EXOC4: variants seen among roughly 807,000 people sequenced by gnomAD.
The protein encoded by EXOC4 is SEC8-like 1.
Under a neutral mutation model 107.2 loss-of-function variants are expected in EXOC4, and 71 were observed. The ratio of observed to expected loss-of-function variants is 0.66; its 90% CI spans 0.55 to 0.81. The LOEUF (loss-of-function observed/expected upper bound fraction) is 0.81, where lower values mean the gene tolerates loss of function less well. EXOC4 is among the 30% of genes least tolerant of loss of function. The pLI is 0.00. For missense variants in EXOC4, 1,108 were observed against 1,189.6 expected (o/e 0.93, Z 1.01); for synonymous variants, 456 against 441.2 (o/e 1.03, Z -0.42).
At chr7:133,920,773 A>G (rs917380622) in intron 13 of EXOC4, among the ~76,000 whole-genome samples, 3 of 151,768 alleles carry the variant, frequency 2.0e-5, no homozygotes, top group African/African-American at 7.3e-5. Context: ...ATGTAGATCC[A>G]CGTTTCTGAT....
chr7:133,929,447 A>G (rs1800126576), intron 13 of EXOC4, among the ~76,000 whole-genome samples: 3 of 151,284 alleles, frequency 2.0e-5, no homozygotes, highest in Non-Finnish European at 2.9e-5. Context: ...CTGCTCCCAA[A>G]TACACTGTCA....
intron 7 of EXOC4, among the ~76,000 whole-genome samples, chr7:133,429,912 A>C (rs1225507838): frequency 6.6e-6 from 1 of 152,172 alleles, no homozygotes; most frequent in African/African-American, 2.4e-5. Flanking sequence ...TGGGGAACAC[A>C]CAGGCAAACG....
chr7:133,303,945 CTAAG>C (rs1439294921), intron 3 of EXOC4, among the ~76,000 whole-genome samples: 1 of 152,194 alleles, frequency 6.6e-6, no homozygotes, highest in Non-Finnish European at 1.5e-5. Context: ...AGGCACTGCG[CTAAG>C]TGTTTTACCT....
At chr7:133,725,108 G>T (rs897593256) in intron 10 of EXOC4, among the ~76,000 whole-genome samples, 1 of 152,176 alleles carries the variant, frequency 6.6e-6, no homozygotes, top group Non-Finnish European at 1.5e-5. Flanking sequence ...ACCCTTTGTG[G>T]TTATTGAACA....
chr7:133,408,684 A>G (rs1217338536), intron 7 of EXOC4, among the ~76,000 whole-genome samples: 6 of 152,128 alleles, frequency 3.9e-5, no homozygotes, highest in Non-Finnish European at 8.8e-5. Flanking sequence ...AATTTACTAC[A>G]TGCCTATTAA....
At chr7:133,373,433 T>G (rs890423623) in intron 6 of EXOC4, among the ~76,000 whole-genome samples, 3 of 152,180 alleles carry the variant, frequency 2.0e-5, no homozygotes, top group Admixed American at 2.0e-4. Context: ...ACTACATAAA[T>G]TCTATTGATT....
intron 7 of EXOC4, among the ~76,000 whole-genome samples, chr7:133,429,223 G>T (rs12707089): frequency 0.15 from 22,681 of 151,802 alleles, 2,160 homozygotes; most frequent in South Asian, 0.24. Flanking sequence ...ATTTTTTTTT[G>T]AATCAATCTT....
At chr7:133,742,824 C>A (rs1249467470) in intron 10 of EXOC4, among the ~76,000 whole-genome samples, 1 of 152,088 alleles carries the variant, frequency 6.6e-6, no homozygotes, top group African/African-American at 2.4e-5. Context: ...GAGTTGTTGA[C>A]CTGGAAGTTC....
intron 9 of EXOC4, among the ~76,000 whole-genome samples, chr7:133,553,838 A>G (rs1449380801): frequency 1.3e-5 from 2 of 152,146 alleles, no homozygotes; most frequent in South Asian, 2.1e-4. Context: ...GTAAGTTTTT[A>G]TCGCTCACGT....
At chr7:134,012,254 G>A (rs961939804) in intron 17 of EXOC4, among the ~76,000 whole-genome samples, 1 of 152,176 alleles carries the variant, frequency 6.6e-6, no homozygotes, top group African/African-American at 2.4e-5. Flanking sequence ...TTGGGGAGGG[G>A]AGGTTGTAGG....
intron 5 of EXOC4, among the ~76,000 whole-genome samples, chr7:133,345,193 C>T (rs1446015681): frequency 6.6e-6 from 1 of 152,098 alleles, no homozygotes; most frequent in African/African-American, 2.4e-5. Flanking sequence ...ATTAAATTTG[C>T]ACATCTCTGA....
In EXOC4 at chr7:133,527,664, A is replaced by T. The variant is rs149497252; in HGVS notation, c.1417+47526A>T. Reference sequence around the variant, plus strand: ...TAGAAGAGAAAAATTGTGTTTAATTATAACAGTAGGTTTCGGTTCATTTTG... The same window carrying T: ...TAGAAGAGAAAAATTGTGTTTAATTTTAACAGTAGGTTTCGGTTCATTTTG... On this transcript the variant is annotated intron_variant, in intron 9 of 17. Coordinates refer to ENST00000253861, the MANE Select transcript of EXOC4 (RefSeq NM_021807.4). Among the ~76,000 whole-genome samples the T allele has an allele frequency of 1.4e-4, 22 of 152,300 alleles. No homozygotes were observed. In the East Asian group the frequency reaches 4.1e-3, roughly 28 times the overall value.
At chr7:133,990,140 C>A (rs1261423632) in intron 14 of EXOC4, among the ~76,000 whole-genome samples, 1 of 152,084 alleles carries the variant, frequency 6.6e-6, no homozygotes, top group Admixed American at 6.5e-5. Flanking sequence ...GAGAACATCA[C>A]AATTCTCTTC....
At chr7:133,467,266 A>G (rs1245217837) in intron 7 of EXOC4, among the ~76,000 whole-genome samples, 1 of 134,014 alleles carries the variant, frequency 7.5e-6, no homozygotes, top group Non-Finnish European at 1.6e-5. Flanking sequence ...AATTTTGTTC[A>G]TTTTATCTTC....
intron 7 of EXOC4, among the ~76,000 whole-genome samples, chr7:133,386,667 A>G (rs1796734305): frequency 6.6e-6 from 1 of 152,204 alleles, no homozygotes; most frequent in African/African-American, 2.4e-5. Flanking sequence ...ACTGAGTGGA[A>G]GTGAAATTGT....
chr7:133,454,158 C>T (rs967908683), intron 7 of EXOC4, among the ~76,000 whole-genome samples: 4 of 152,086 alleles, frequency 2.6e-5, no homozygotes, highest in Admixed American at 1.3e-4. Context: ...AGACTGAAAA[C>T]GTTATAAATA....
At chr7:133,712,845 G>A (rs1158962982) in intron 10 of EXOC4, among the ~76,000 whole-genome samples, 1 of 152,156 alleles carries the variant, frequency 6.6e-6, no homozygotes, top group African/African-American at 2.4e-5. Flanking sequence ...AAGTGAAAAA[G>A]GCCAGGCCCC....
Position 133,872,018 on chromosome 7 carries a change from C to T in EXOC4, c.1735-23581C>T, listed in dbSNP as rs147160445. The stretch of plus-strand genomic sequence containing the variant: ...GGCCAGAAGGAGAACAGCAACAGAA[C>T]ACATGAGAATAAAAGAAGAGGCAAA... On this transcript the variant is annotated intron_variant, in intron 11 of 17. Transcript: ENST00000253861. Among the ~76,000 whole-genome samples the T allele has an allele frequency of 6.6e-3, 1,003 of 152,060 alleles. 13 individuals carry two copies. The highest frequency in any genetic ancestry group is 0.023 in the African/African-American group (957 of 41,460).
chr7:133,860,031 C>G (rs1422734080), intron 11 of EXOC4, among the ~76,000 whole-genome samples: 1 of 152,166 alleles, frequency 6.6e-6, no homozygotes, highest in Non-Finnish European at 1.5e-5. Context: ...GAAATTGCCA[C>G]TTTTGTAGGT....
Sources: gnomAD v4.1 joint callset for allele counts (sites outside exome capture counted in the v4.1 genomes callset) on GRCh38, gnomAD v4.1.1 for gene constraint, MANE v1.5 for transcripts, NCBI Gene and HGNC (gene_info 2026-07-23, HGNC 2026-07-21) for gene names.